The following TSR1 variants were observed in gnomAD, a reference collection of about 807,000 sequenced individuals.
TSR1 encodes the protein TSR1 ribosome maturation factor.
TSR1 carries 81 observed loss-of-function variants against 90.9 expected under a neutral mutation model. The ratio of observed to expected loss-of-function variants is 0.89; its 90% confidence interval spans 0.74 to 1.07. The LOEUF is 1.07. TSR1 is among the 50% of genes least tolerant of loss of function. The pLI is 0.00. For missense variants in TSR1, 989 were observed against 987.3 expected (o/e 1.00, Z -0.02); for synonymous variants, 362 against 348.8 (o/e 1.04, Z -0.42).
intron 7 of TSR1, among the ~76,000 whole-genome samples, 199 bp from the exon 8 acceptor site, chr17:2,332,558 C>T (rs1369041974): frequency 6.6e-6 from 1 of 152,154 alleles, no homozygotes. Flanking sequence ...CATACACGGC[C>T]GGGTGCGGTG....
chr17:2,324,330 AT>A lies in TSR1; in HGVS notation c.2280del (p.Lys760AsnfsTer7). On this transcript the variant is annotated frameshift_variant, in exon 15 of 15. Transcript: ENST00000301364. LOFTEE classifies it high-confidence loss of function. The stretch of plus-strand genomic sequence containing the variant: ...AGGTTCATCAGTACTGTGTCTTGAG[AT>A]TTTAGCTTCCCATCAAAGCTGCATT... ...HMKCSFDGKL[K>X]SQDTVLMNLY... 6.4e-7 allele frequency: 1 copy of A among 1,564,982 alleles called. No individual in the cohort carries two copies. Among genetic ancestry groups the A allele is most frequent in the Non-Finnish European group, 8.6e-7 (1 of 1,159,118 alleles).
chr17:2,336,087 C>T lies in TSR1; in HGVS notation c.151G>A (p.Val51Ile). ...TGGCTGGCGCGATGCCTCTGGTCGACTCTGCTGAGTTCTTTTCTCACCTTC... is the reference window on the plus strand; with the variant it reads ...TGGCTGGCGCGATGCCTCTGGTCGATTCTGCTGAGTTCTTTTCTCACCTTC... ...SKKVRKELSR[V>I]DQRHRASQLR... Residue 51 changes from valine to isoleucine, a missense_variant, in exon 2 of 15, where the codon GTC (valine) becomes ATC (isoleucine). Val to Ile is a conservative substitution (Grantham distance 29, BLOSUM62 3). Coordinates refer to ENST00000301364, the MANE Select transcript of TSR1 (RefSeq NM_018128.5). 6.2e-7 allele frequency: 1 copy of T among 1,614,238 alleles called. No homozygotes were observed. The highest frequency in any genetic ancestry group is 1.3e-5 in the African/African-American group (1 of 75,072).
intron 2 of TSR1, 125 bp from the exon 3 acceptor site, chr17:2,335,855 T>C: frequency 7.7e-7 from 1 of 1,295,518 alleles, no homozygotes; most frequent in South Asian, 1.4e-5. Flanking sequence ...AGACCACAGG[T>C]ATGCCAGCGG....
At position 2,333,725 on chromosome 17, in the gene TSR1, C is replaced by T. The variant is rs1245696778; in HGVS notation, c.982-9G>A. The stretch of plus-strand genomic sequence containing the variant: ...GCATCCGTAGCACAAATCTGAAAAC[C>T]AAAAGCAGGTGATAGTCAACCATGA... On this transcript the variant is annotated splice_polypyrimidine_tract_variant and intron_variant, in intron 5 of 14. Transcript: ENST00000301364. 3.1e-6 allele frequency: 5 copies of T among 1,613,670 alleles called. No individual in the cohort carries two copies. The African/African-American group carries it at 5.3e-5, about 17-fold the overall frequency.
intron 11 of TSR1, among the ~76,000 whole-genome samples, chr17:2,328,688 G>A (rs1035622617): frequency 6.6e-6 from 1 of 151,360 alleles, no homozygotes; most frequent in Non-Finnish European, 1.5e-5. Context: ...AGGCTGAGGC[G>A]GGCGGCTCAC....
Position 2,323,137 on chromosome 17 carries a change from C to T in TSR1, c.*1059G>A. Reference sequence around the variant, plus strand: ...ATGTCTTAATATTCCTCTTCCCAGGCTCTGAAACCTAGTGTGAAGGTATAT... The same window carrying T: ...ATGTCTTAATATTCCTCTTCCCAGGTTCTGAAACCTAGTGTGAAGGTATAT... On this transcript the variant is annotated 3_prime_UTR_variant, in exon 15 of 15. Coordinates refer to ENST00000301364, the MANE Select transcript of TSR1 (RefSeq NM_018128.5). 1 of 1,614,090 alleles carries T rather than the reference C, an allele frequency of 6.2e-7. No homozygotes were observed. The highest frequency in any genetic ancestry group is 8.5e-7 in the Non-Finnish European group (1 of 1,179,976).
intron 11 of TSR1, among the ~76,000 whole-genome samples, chr17:2,326,385 T>G (rs2075576205): frequency 6.6e-6 from 1 of 152,128 alleles, no homozygotes; most frequent in Non-Finnish European, 1.5e-5. Context: ...GCTCCTACTG[T>G]GTAGGAGACA....
chr17:2,330,584 G>C lies in TSR1; in HGVS notation c.1701C>G (p.Val567=). ...YVTLHVSEVP[V]SVVECFRQGT... ...CTTGCCTGAAGCACTCGACCACTGA[G>C]ACGGGGACTTCAGAGACATGAAGTG... Residue 567 remains valine (V), a synonymous_variant, in exon 10 of 15, where the codon GTC becomes GTG. Coordinates refer to ENST00000301364, the MANE Select transcript of TSR1 (RefSeq NM_018128.5). The C allele has an allele frequency of 6.2e-7, 1 of 1,613,986 alleles. No individual in the cohort carries two copies. The highest frequency in any genetic ancestry group is 8.5e-7 in the Non-Finnish European group (1 of 1,180,006).
intron 11 of TSR1, among the ~76,000 whole-genome samples, 200 bp from the exon 12 acceptor site, chr17:2,325,620 CT>C (rs1200173992): frequency 1.4e-5 from 2 of 147,542 alleles, no homozygotes; most frequent in Non-Finnish European, 3.0e-5. Flanking sequence ...TTTTTTTTTT[CT>C]TTTTTTTTGA....
chr17:2,328,862 G>A (rs757174799), intron 11 of TSR1, among the ~76,000 whole-genome samples: 21 of 128,502 alleles, frequency 1.6e-4, no homozygotes, highest in Non-Finnish European at 2.5e-4. Context: ...GGAGCTTGCA[G>A]TGAGCCTAGA....
Position 2,332,323 on chromosome 17 carries a change from T to C in TSR1, c.1342A>G (p.Met448Val), listed in dbSNP as rs774021576. The C allele has an allele frequency of 3.1e-6, 5 of 1,606,976 alleles. No individual in the cohort carries two copies. Among genetic ancestry groups the C allele is most frequent in the Admixed American group, 1.7e-5 (1 of 57,566 alleles). Residue 448 changes from methionine (M) to valine (V), a missense_variant, in exon 8 of 15, where the codon ATG becomes GTG. Transcript: ENST00000301364. ...TCATGCACAGACTCCCCAATAGTCATAGTTTCATATTCTTCCTCTTCTTCA... is the reference window on the plus strand; with the variant it reads ...TCATGCACAGACTCCCCAATAGTCACAGTTTCATATTCTTCCTCTTCTTCA... ...SSEEEEEYET[M>V]TIGESVHDDL...
chr17:2,325,476 T>TA, intron 11 of TSR1, 56 bp from the exon 12 acceptor site: 2 of 1,361,256 alleles, frequency 1.5e-6, no homozygotes, highest in South Asian at 1.3e-5. Flanking sequence ...CCAGAGGTGA[T>TA]AGAGGCCTGT....
intron 2 of TSR1, 144 bp from the exon 3 acceptor site, chr17:2,335,874 G>C: frequency 8.0e-7 from 1 of 1,257,394 alleles, no homozygotes; most frequent in Non-Finnish European, 1.1e-6. Flanking sequence ...GGGGTGGCAG[G>C]AATTCTGACC....
rs756900228 is a variant in TSR1, at chr17:2,323,980, T to C, written c.*216A>G. 8.6e-6 allele frequency: 10 copies of C among 1,168,038 alleles called. No individual in the cohort carries two copies. Among genetic ancestry groups the C allele is most frequent in the Non-Finnish European group, 1.2e-5 (10 of 831,994 alleles). The allele number at this position is 1,168,038 out of a possible 1,614,324, so 72.4% of individuals were successfully genotyped here. A position where few individuals can be genotyped will look rare whatever the true frequency, so the allele number is the denominator to read the frequency against. On this transcript the variant is annotated 3_prime_UTR_variant, in exon 15 of 15. Transcript: ENST00000301364. The stretch of plus-strand genomic sequence containing the variant: ...TATCAGATTCTTAATGGAGAGTGGC[T>C]ATTTCATTAAGATTTAATAGTTTTT...
At chr17:2,331,506 A>G (rs902116662) in intron 8 of TSR1, among the ~76,000 whole-genome samples, 1 of 147,640 alleles carries the variant, frequency 6.8e-6, no homozygotes, top group Non-Finnish European at 1.5e-5. Flanking sequence ...CTAGTTGTTT[A>G]AAGTGTGTAG....
At chr17:2,332,838 TA>T (rs940534096) in intron 7 of TSR1, 122 bp downstream of exon 7, 8,051 of 847,258 alleles carry the variant, frequency 9.5e-3, no homozygotes, top group South Asian at 0.013. Flanking sequence ...CTCCGTCTCA[TA>T]AAAAAAAAAT....
chr17:2,331,012 T>A lies in TSR1; in HGVS notation c.1594A>T (p.Asn532Tyr). Residue 532 changes from asparagine to tyrosine, a missense_variant, in exon 9 of 15, where the codon AAC (asparagine) becomes TAC (tyrosine). Physicochemically the swap from Asn to Tyr is moderately radical, Grantham distance 143. Transcript: ENST00000301364. ...ATGCTTTTCCTAGTGTTAGTAAAGT[T>A]CTGAAACTGAAATATTCGAGCATAA... Reference protein sequence around the residue: ...QDYARIFQFQNFTNTRKSIFK... With the variant: ...QDYARIFQFQYFTNTRKSIFK... The A allele has an allele frequency of 1.2e-6, 2 of 1,611,620 alleles. No individual in the cohort carries two copies. The highest frequency in any genetic ancestry group is 1.7e-4 in the Middle Eastern group (1 of 6,054).
intron 6 of TSR1, 39 bp from the exon 7 acceptor site, chr17:2,333,163 C>A: frequency 1.9e-6 from 3 of 1,608,342 alleles, no homozygotes; most frequent in African/African-American, 1.3e-5. Context: ...TTACAGACTT[C>A]TTTTCCCTAT....
chr17:2,325,460 G>T, intron 11 of TSR1, 40 bp from the exon 12 acceptor site: 1 of 1,511,654 alleles, frequency 6.6e-7, no homozygotes, highest in South Asian at 1.2e-5. Context: ...AAACCATTTT[G>T]AGAAACCAGA....
Sources: allele counts gnomAD v4.1 joint callset (sites outside exome capture counted in the v4.1 genomes callset), GRCh38; gene constraint gnomAD v4.1.1; transcripts MANE v1.5; gene names NCBI Gene and HGNC (gene_info 2026-07-23, HGNC 2026-07-21).